The following PLAC9 variants were observed in gnomAD, a reference collection of about 807,000 sequenced individuals.
The protein encoded by PLAC9 is placenta associated 9.
A neutral mutation model predicts 11.5 loss-of-function variants in PLAC9; 12 were observed. That is an observed-to-expected ratio of 1.05 (90% CI 0.67 to 1.69). The LOEUF is 1.69. Among genes scored for constraint, PLAC9 ranks in the 40% most tolerant of loss-of-function variants. PLAC9 has a pLI of 0.00. For synonymous variants in PLAC9, 62 were observed against 58.1 expected (o/e 1.07, Z -0.31); for missense variants, 132 against 130.5 (o/e 1.01, Z -0.06).
chr10:80,136,647 T>A (rs1844978079), intron 1 of PLAC9, among the ~76,000 whole-genome samples: 2 of 141,426 alleles, frequency 1.4e-5, no homozygotes, highest in African/African-American at 2.8e-5. Flanking sequence ...AATTTTTTTT[T>A]AATTTTTATT....
chr10:80,135,107 C>T (rs1844959751), intron 1 of PLAC9, among the ~76,000 whole-genome samples: 1 of 151,744 alleles, frequency 6.6e-6, no homozygotes, highest in Admixed American at 6.6e-5. Context: ...GCAAGCTCCG[C>T]CTCCCGGGTT....
chr10:80,140,089 C>T (rs997621819), intron 1 of PLAC9, among the ~76,000 whole-genome samples: 4 of 152,174 alleles, frequency 2.6e-5, no homozygotes, highest in African/African-American at 9.7e-5. Context: ...TTCCCTCTGT[C>T]TTCCTTCGAG....
chr10:80,136,701 CAG>C lies in PLAC9; in HGVS notation c.64+3878_64+3879del, dbSNP rs573862714. Among the ~76,000 whole-genome samples the C allele has an allele frequency of 3.3e-4, 49 of 150,628 alleles. No homozygotes were observed. The South Asian group carries it at 9.5e-3, about 29-fold the overall frequency. On this transcript the variant is annotated intron_variant, in intron 1 of 3. Transcript: ENST00000372263. Reference sequence around the variant, plus strand: ...ATTTATTTATTTATTTTTGTAGAGACAGAGTCTCACTATGTTGCCCAGAGTGA... The same window carrying C: ...ATTTATTTATTTATTTTTGTAGAGACAGTCTCACTATGTTGCCCAGAGTGA...
chr10:80,136,192 T>C (rs1356067577), intron 1 of PLAC9, among the ~76,000 whole-genome samples: 2 of 152,164 alleles, frequency 1.3e-5, no homozygotes, highest in Non-Finnish European at 2.9e-5. Context: ...AGCAGCGTGT[T>C]CTCACCAGCA....
intron 1 of PLAC9, among the ~76,000 whole-genome samples, chr10:80,135,388 C>T (rs1240536589): frequency 2.3e-5 from 3 of 130,540 alleles, no homozygotes; most frequent in East Asian, 5.0e-4. Flanking sequence ...TGCAGTGGTG[C>T]GATCTCAGCT....
chr10:80,144,829 G>C, intron 3 of PLAC9, 71 bp from the exon 4 acceptor site: 4 of 1,471,114 alleles, frequency 2.7e-6, no homozygotes, highest in Non-Finnish European at 3.6e-6. Context: ...GGAAGGAACT[G>C]CTGGGCACCA....
intron 1 of PLAC9, among the ~76,000 whole-genome samples, chr10:80,136,214 A>G (rs2789698): frequency 0.67 from 101,224 of 152,056 alleles, 34,417 homozygotes; most frequent in African/African-American, 0.79. Flanking sequence ...AGGATGCCCC[A>G]CCCATGGCCA....
chr10:80,137,388 G>A (rs1844991191), intron 1 of PLAC9, among the ~76,000 whole-genome samples: 1 of 152,242 alleles, frequency 6.6e-6, no homozygotes, highest in Non-Finnish European at 1.5e-5. Context: ...CCCCTGGCCT[G>A]AGCCTTACAC....
chr10:80,135,991 C>A (rs1844971154), intron 1 of PLAC9, among the ~76,000 whole-genome samples: 1 of 152,188 alleles, frequency 6.6e-6, no homozygotes, highest in Non-Finnish European at 1.5e-5. Flanking sequence ...TTCTCAACCC[C>A]CAGCATGCAG....
intron 1 of PLAC9, among the ~76,000 whole-genome samples, chr10:80,137,560 C>G (rs1366062832): frequency 6.6e-6 from 1 of 152,210 alleles, no homozygotes; most frequent in Non-Finnish European, 1.5e-5. Context: ...CAGAGGCCCC[C>G]TCAGAGCTTT....
intron 1 of PLAC9, among the ~76,000 whole-genome samples, chr10:80,139,688 G>A (rs1845018006): frequency 6.6e-6 from 1 of 152,106 alleles, no homozygotes; most frequent in South Asian, 2.1e-4. Flanking sequence ...AAAAAAAGTG[G>A]GGAGGGGGGT....
intron 1 of PLAC9, among the ~76,000 whole-genome samples, chr10:80,139,758 A>AT (rs774760254): frequency 6.6e-6 from 1 of 151,330 alleles, no homozygotes; most frequent in African/African-American, 2.4e-5. Flanking sequence ...TTAACTTAAA[A>AT]TTTTTTTTCT....
upstream of PLAC9, chr10:80,132,593 C>T (rs1170856010): frequency 6.1e-6 from 3 of 490,106 alleles, no homozygotes; most frequent in Non-Finnish European, 1.0e-5. Flanking sequence ...GCGCTGCCCA[C>T]GGGGTGCCGA....
At chr10:80,137,216 C>T (rs1844989514) in intron 1 of PLAC9, among the ~76,000 whole-genome samples, 1 of 152,224 alleles carries the variant, frequency 6.6e-6, no homozygotes. Context: ...GGAGCGACCT[C>T]AGCCCAGCCT....
At chr10:80,137,385 C>A (rs1433853219) in intron 1 of PLAC9, among the ~76,000 whole-genome samples, 5 of 152,198 alleles carry the variant, frequency 3.3e-5, no homozygotes, top group Non-Finnish European at 4.4e-5. Context: ...ATCCCCCTGG[C>A]CTGAGCCTTA....
At chr10:80,134,201 C>T (rs1844947566) in intron 1 of PLAC9, among the ~76,000 whole-genome samples, 1 of 151,756 alleles carries the variant, frequency 6.6e-6, no homozygotes, top group Non-Finnish European at 1.5e-5. Flanking sequence ...TCCACCCTCT[C>T]TCCCCTCCCT....
Position 80,145,213 on chromosome 10 carries a change from T to C in PLAC9, c.*303T>C, listed in dbSNP as rs1359892083. The C allele has an allele frequency of 9.4e-6, 5 of 529,484 alleles. No individual in the cohort carries two copies. The East Asian group carries it at 1.1e-4, about 11-fold the overall frequency. 32.8% of individuals were successfully genotyped at this position (529,484 alleles called of 1,614,324 possible). The stretch of plus-strand genomic sequence containing the variant: ...ACAGATGGGGGCCCTTTGAGTGGCC[T>C]TGCTTCTCAAAATGTGGCCATAGGT... On this transcript the variant is annotated 3_prime_UTR_variant, in exon 4 of 4. Coordinates refer to ENST00000372263, the MANE Select transcript of PLAC9 (RefSeq NM_001012973.3).
chr10:80,135,558 C>CA (rs1466352140), intron 1 of PLAC9, among the ~76,000 whole-genome samples: 1 of 151,564 alleles, frequency 6.6e-6, no homozygotes, highest in African/African-American at 2.4e-5. Context: ...AGGCTGGTCT[C>CA]AAACTCCTGA....
chr10:80,132,468 GC>G, upstream of PLAC9: 1 of 384,892 alleles, frequency 2.6e-6, no homozygotes, highest in Non-Finnish European at 4.6e-6. Flanking sequence ...AATGCCCCCC[GC>G]CCCGCCTTCC....
Sources: gnomAD v4.1 joint callset for allele counts (sites outside exome capture counted in the v4.1 genomes callset) on GRCh38, gnomAD v4.1.1 for gene constraint, MANE v1.5 for transcripts, NCBI Gene and HGNC (gene_info 2026-07-23, HGNC 2026-07-21) for gene names.